ZC3H11A: variants seen among roughly 807,000 people sequenced by gnomAD.
The protein encoded by ZC3H11A is zinc finger CCCH domain-containing protein 11A.
In ZC3H11A, 22 loss-of-function variants were observed where a neutral mutation model predicts 90.8. The observed-to-expected ratio is 0.24, with a 90% CI of 0.17 to 0.35. The LOEUF (loss-of-function observed/expected upper bound fraction) is 0.35, where lower values mean the gene tolerates loss of function less well. ZC3H11A is among the 10% of genes least tolerant of loss of function. The pLI is 1.00. For synonymous variants in ZC3H11A, 294 were observed against 339.8 expected (o/e 0.87, Z 1.48); for missense variants, 701 against 964.9 (o/e 0.73, Z 3.62).
rs1053849454 is a variant in ZC3H11A, at chr1:203,795,720, A to G, written c.-1662A>G. On this transcript the variant is annotated 5_prime_UTR_variant, in exon 1 of 18. Transcript: ENST00000367210. ...GGGAGGACGACGGACGGCAGCGGCC[A>G]AGCAAGAAGAAAGACGTGGCAGCAA... 1 of 152,212 alleles carries G rather than the reference A, an allele frequency of 6.6e-6. No individual in the cohort carries two copies. The highest frequency in any genetic ancestry group is 2.4e-5 in the African/African-American group (1 of 41,462). 9.4% of individuals were successfully genotyped at this position (152,212 alleles called of 1,614,324 possible).
chr1:203,844,461 G>C (rs916547385), intron 12 of ZC3H11A, among the ~76,000 whole-genome samples: 1 of 152,184 alleles, frequency 6.6e-6, no homozygotes, highest in African/African-American at 2.4e-5. Flanking sequence ...GAGTCACTGC[G>C]CCTGGCCTGC....
Position 203,849,947 on chromosome 1 carries a change from G to A in ZC3H11A, c.1860G>A (p.Val620=), listed in dbSNP as rs199857390. The A allele has an allele frequency of 1.2e-6, 2 of 1,614,096 alleles. No homozygotes were observed. The highest frequency in any genetic ancestry group is 2.2e-5 in the East Asian group (1 of 44,876). Residue 620 remains valine, a synonymous_variant, in exon 15 of 18, where the codon GTG becomes GTA. Coordinates refer to ENST00000367210, the MANE Select transcript of ZC3H11A (RefSeq NM_001376342.1). ...KRLPTKSSQK[V]EVETSGIGDS... The stretch of plus-strand genomic sequence containing the variant: ...TTCCCACAAAGTCATCCCAGAAGGT[G>A]GAGGTAGAAACCTCAGGGATTGGAG...
rs1171344936 is a variant in ZC3H11A at position 203,848,275 on chromosome 1, A to G, written c.1547-56A>G. ...AAATAAAGTTTTGTTTAACATATCTATCATGAAGTTGCAGCTTAAATAAAA... is the reference window on the plus strand; with the variant it reads ...AAATAAAGTTTTGTTTAACATATCTGTCATGAAGTTGCAGCTTAAATAAAA... On this transcript the variant is annotated intron_variant, in intron 13 of 17. Transcript: ENST00000367210. 23 of 1,421,768 alleles carry G rather than the reference A, an allele frequency of 1.6e-5. No individual in the cohort carries two copies. The East Asian group carries it at 3.0e-4, about 18-fold the overall frequency. The allele number at this position is 1,421,768 out of a possible 1,614,324, so 88.1% of individuals were successfully genotyped here.
chr1:203,844,339 T>C (rs1239201443), intron 12 of ZC3H11A, among the ~76,000 whole-genome samples: 1 of 152,040 alleles, frequency 6.6e-6, no homozygotes, highest in Non-Finnish European at 1.5e-5. Flanking sequence ...CTTGTATTTT[T>C]AGTAGAGACG....
intron 14 of ZC3H11A, among the ~76,000 whole-genome samples, chr1:203,849,007 C>T (rs1465113644): frequency 6.6e-6 from 1 of 152,180 alleles, no homozygotes; most frequent in Non-Finnish European, 1.5e-5. Context: ...GCCTCAGCCT[C>T]CCATGTAGCT....
intron 8 of ZC3H11A, among the ~76,000 whole-genome samples, chr1:203,831,065 C>T (rs181857223): frequency 6.7e-6 from 1 of 150,142 alleles, no homozygotes; most frequent in Admixed American, 6.7e-5. Context: ...CTGCCTCAGC[C>T]TCCTGAGTAG....
intron 7 of ZC3H11A, 47 bp downstream of exon 7, chr1:203,829,943 C>A: frequency 6.5e-7 from 1 of 1,542,368 alleles, no homozygotes; most frequent in East Asian, 2.2e-5. Context: ...GTTGAAACTA[C>A]CTTTGAAATT....
intron 1 of ZC3H11A, chr1:203,800,043 G>A (rs962703750): frequency 4.5e-5 from 69 of 1,535,962 alleles, no homozygotes; most frequent in African/African-American, 1.6e-4. Flanking sequence ...CTCCAGTTCA[G>A]GTTCTGTTGA....
At chr1:203,838,876 C>T (rs1685178252) in intron 11 of ZC3H11A, among the ~76,000 whole-genome samples, 1 of 149,904 alleles carries the variant, frequency 6.7e-6, no homozygotes, top group African/African-American at 2.5e-5. Flanking sequence ...TTGTGTGAAC[C>T]TGGAAGGCGG....
In ZC3H11A at chr1:203,849,580, A is replaced by C. The variant is rs928284410; in HGVS notation, c.1624-131A>C. On this transcript the variant is annotated intron_variant, in intron 14 of 17. Transcript: ENST00000367210. ...ACAGGGTATTGTCTATTTAACATCA[A>C]ATAAAGAGCTTTTCTCTCAGATTCT... 5 of 869,456 alleles carry C rather than the reference A, an allele frequency of 5.8e-6. No individual in the cohort carries two copies. The East Asian group carries it at 1.2e-4, about 21-fold the overall frequency. 53.9% of individuals were successfully genotyped at this position (869,456 alleles called of 1,614,324 possible).
chr1:203,852,778 G>A lies in ZC3H11A; in HGVS notation c.*379G>A, dbSNP rs941122630. On this transcript the variant is annotated 3_prime_UTR_variant, in exon 18 of 18. Coordinates refer to ENST00000367210, the MANE Select transcript of ZC3H11A (RefSeq NM_001376342.1). ...TGTATTCTTTATGTATTGTCTTGAT[G>A]TACTTAATATTACCTGAGTTTGAAA... is the stretch of plus-strand genomic sequence containing the variant. 3.7e-5 allele frequency: 8 copies of A among 217,314 alleles called. No homozygotes were observed. In the Admixed American group the frequency reaches 3.7e-4, roughly 10 times the overall value. 13.5% of individuals were successfully genotyped at this position (217,314 alleles called of 1,614,324 possible).
chr1:203,835,864 C>A, intron 10 of ZC3H11A: 1 of 245,000 alleles, frequency 4.1e-6, no homozygotes, highest in South Asian at 5.9e-5. Context: ...TTCCGGAGAC[C>A]CCACTTATAG....
chr1:203,796,694 G>A (rs1278665764), intron 1 of ZC3H11A: 1 of 373,592 alleles, frequency 2.7e-6, no homozygotes, highest in East Asian at 3.8e-5. Context: ...TATCTCTATA[G>A]CGTACAACTT....
intron 5 of ZC3H11A, 138 bp from the exon 6 acceptor site, chr1:203,829,312 CT>C (rs945571407): frequency 2.4e-6 from 2 of 823,558 alleles, no homozygotes; most frequent in Non-Finnish European, 3.8e-6. Context: ...CTCCCTGGGA[CT>C]TTAGAACTTA....
At chr1:203,825,244 G>A (rs1196135017) in intron 4 of ZC3H11A, among the ~76,000 whole-genome samples, 1 of 152,030 alleles carries the variant, frequency 6.6e-6, no homozygotes, top group Admixed American at 6.6e-5. Context: ...AGGCCCACAG[G>A]AACCCAACTC....
chr1:203,805,919 C>T (rs1672169749), intron 2 of ZC3H11A: 2 of 666,922 alleles, frequency 3.0e-6, no homozygotes, highest in Non-Finnish European at 5.7e-6. Context: ...TGCTTGTCTA[C>T]CTTCATTTCC....
chr1:203,806,087 T>C (rs1381870919), intron 2 of ZC3H11A: 1 of 504,878 alleles, frequency 2.0e-6, no homozygotes, highest in Non-Finnish European at 3.9e-6. Context: ...GCTTTCTGCG[T>C]AATCATATTC....
chr1:203,799,988 T>TA, intron 1 of ZC3H11A: 2 of 1,536,120 alleles, frequency 1.3e-6, no homozygotes, highest in Non-Finnish European at 8.7e-7. Context: ...GTCCCTCAGT[T>TA]ACAGTGGGAG....
intron 2 of ZC3H11A, among the ~76,000 whole-genome samples, chr1:203,804,014 T>G (rs1050582515): frequency 2.6e-5 from 4 of 152,326 alleles, no homozygotes; most frequent in East Asian, 1.9e-4. Context: ...CATTATTTTT[T>G]GGGGAGAAGT....
Sources: allele counts gnomAD v4.1 joint callset (sites outside exome capture counted in the v4.1 genomes callset), GRCh38; gene constraint gnomAD v4.1.1; transcripts MANE v1.5; gene names NCBI Gene and HGNC (gene_info 2026-07-23, HGNC 2026-07-21).